ELL2: variants seen among roughly 807,000 people sequenced by gnomAD.
ELL2 encodes elongation factor for RNA polymerase II 2.
In ELL2, 21 loss-of-function variants were observed where a neutral mutation model predicts 72.8. The observed-to-expected ratio is 0.29, with a 90% CI of 0.20 to 0.42. ELL2 has a LOEUF of 0.42. ELL2 is among the 10% of genes least tolerant of loss of function. ELL2 has a pLI of 1.00. For synonymous variants in ELL2, 266 were observed against 283.2 expected, an observed-to-expected ratio of 0.94 and a Z score of 0.61; for missense variants, 568 against 772.8, an observed-to-expected ratio of 0.73 and a Z score of 3.14.
chr5:95,898,893 T>C lies in ELL2; in HGVS notation c.955-83A>G, dbSNP rs1200454937. On this transcript the variant is annotated intron_variant, in intron 7 of 11. Coordinates refer to ENST00000237853, the MANE Select transcript of ELL2 (RefSeq NM_012081.6). ...ATACATGCATGGCTGGTTAAACAAC[T>C]AAGTAACCTTACTTACTATTAATAT... is the stretch of plus-strand genomic sequence containing the variant. 5 of 1,000,714 alleles carry C rather than the reference T, an allele frequency of 5.0e-6. No homozygotes were observed. The East Asian group carries it at 1.3e-4, about 27-fold the overall frequency. 62.0% of individuals were successfully genotyped at this position (1,000,714 alleles called of 1,614,324 possible).
At chr5:95,954,948 A>C (rs1232179316) in intron 1 of ELL2, among the ~76,000 whole-genome samples, 3 of 152,218 alleles carry the variant, frequency 2.0e-5, no homozygotes, top group Non-Finnish European at 2.9e-5. Context: ...TACTCTGTTT[A>C]CAGAATAAAA....
Position 95,886,923 on chromosome 5 carries a change from A to T in ELL2, c.*1948T>A, listed in dbSNP as rs528468705. 123 of 152,328 alleles carry T rather than the reference A, an allele frequency of 8.1e-4. 1 individual carries two copies. The highest frequency in any genetic ancestry group is 2.4e-3 in the African/African-American group (98 of 41,560). 9.4% of individuals were successfully genotyped at this position (152,328 alleles called of 1,614,324 possible). On this transcript the variant is annotated 3_prime_UTR_variant, in exon 12 of 12. Transcript: ENST00000237853. The stretch of plus-strand genomic sequence containing the variant: ...GCACACAGTCTTTGATTAAAAGGCC[A>T]AGATGTCCAAGAAATAACACCAATG...
Position 95,948,948 on chromosome 5 carries a change from C to T in ELL2, c.148-5899G>A, listed in dbSNP as rs569775850. On this transcript the variant is annotated intron_variant, in intron 1 of 11. Coordinates refer to ENST00000237853, the MANE Select transcript of ELL2 (RefSeq NM_012081.6). Reference sequence around the variant, plus strand: ...AGTACTTTCACTGCTCTTAGAAGCTCCTTGAATTTACCCTTTATACCTCTT... The same window carrying T: ...AGTACTTTCACTGCTCTTAGAAGCTTCTTGAATTTACCCTTTATACCTCTT... Among the ~76,000 whole-genome samples, 114 of 152,288 alleles carry T rather than the reference C, an allele frequency of 7.5e-4. 1 individual carries two copies. The highest frequency in any genetic ancestry group is 2.1e-3 in the African/African-American group (89 of 41,558).
intron 1 of ELL2, among the ~76,000 whole-genome samples, chr5:95,943,500 G>A (rs879940986): frequency 1.3e-5 from 2 of 151,960 alleles, no homozygotes; most frequent in Admixed American, 1.3e-4. Flanking sequence ...AAAATGGTTA[G>A]TATACCAATT....
chr5:95,924,071 A>G (rs751576774), intron 2 of ELL2, among the ~76,000 whole-genome samples: 15 of 152,304 alleles, frequency 9.8e-5, no homozygotes, highest in Non-Finnish European at 2.1e-4. Flanking sequence ...AACTATGGCA[A>G]CTTCAGAGCA....
At chr5:95,938,615 G>A (rs1016549413) in intron 2 of ELL2, among the ~76,000 whole-genome samples, 1 of 152,070 alleles carries the variant, frequency 6.6e-6, no homozygotes, top group African/African-American at 2.4e-5. Flanking sequence ...CTAGCTACTT[G>A]GGAGGCTGAG....
At position 95,895,694 on chromosome 5, in the gene ELL2, A is replaced by T. The variant is rs981374951; in HGVS notation, c.1526-3T>A. 1 of 1,613,450 alleles carries T rather than the reference A, an allele frequency of 6.2e-7. No individual in the cohort carries two copies. The highest frequency in any genetic ancestry group is 1.3e-5 in the African/African-American group (1 of 74,890). On this transcript the variant is annotated splice_polypyrimidine_tract_variant and splice_region_variant and intron_variant, in intron 8 of 11. Coordinates refer to ENST00000237853, the MANE Select transcript of ELL2 (RefSeq NM_012081.6). ...GGCAGTGCAATCCTCTTTAACTCCT[A>T]TGAAGAAAAAAAACAAAATCAGAGC...
intron 9 of ELL2, among the ~76,000 whole-genome samples, chr5:95,895,104 TCA>T (rs1748817420): frequency 6.6e-6 from 1 of 152,226 alleles, no homozygotes; most frequent in African/African-American, 2.4e-5. Context: ...CAACTTGTTG[TCA>T]CAACAAGAAA....
At chr5:95,899,257 G>A (rs978249499) in intron 7 of ELL2, among the ~76,000 whole-genome samples, 17 of 152,162 alleles carry the variant, frequency 1.1e-4, no homozygotes, top group African/African-American at 3.4e-4. Flanking sequence ...AATTTGTGCC[G>A]TTTGACTCTG....
chr5:95,955,163 T>C (rs1420058767), intron 1 of ELL2, among the ~76,000 whole-genome samples: 2 of 152,150 alleles, frequency 1.3e-5, no homozygotes, highest in Non-Finnish European at 2.9e-5. Flanking sequence ...TTCTGTCTGC[T>C]AAAATCTTGC....
chr5:95,894,035 G>A (rs1441937742), intron 9 of ELL2, among the ~76,000 whole-genome samples: 1 of 152,194 alleles, frequency 6.6e-6, no homozygotes, highest in Non-Finnish European at 1.5e-5. Context: ...TGGATCACCT[G>A]AGGTCAGGAG....
At chr5:95,917,051 G>T (rs1481594653) in intron 3 of ELL2, among the ~76,000 whole-genome samples, 1 of 152,298 alleles carries the variant, frequency 6.6e-6, no homozygotes, top group East Asian at 1.9e-4. Flanking sequence ...CTTCTCAACC[G>T]AGTTACCCTG....
chr5:95,918,515 A>AT lies in ELL2; in HGVS notation c.317+908dup, dbSNP rs146649155. 6.9e-3 allele frequency among the ~76,000 whole-genome samples: 1,058 copies of AT among 152,294 alleles called. 26 individuals are homozygous for AT. In the East Asian group the frequency reaches 0.073, roughly 11 times the overall value. ...AAAGGTAAAACTCTGTCAGTGTCTTATTTTGTATCTCTGCCTCCTGTACCT... is the reference window on the plus strand; with the variant it reads ...AAAGGTAAAACTCTGTCAGTGTCTTATTTTTGTATCTCTGCCTCCTGTACCT... On this transcript the variant is annotated intron_variant, in intron 3 of 11. Coordinates refer to ENST00000237853, the MANE Select transcript of ELL2 (RefSeq NM_012081.6).
chr5:95,914,579 C>A (rs1313757921), intron 3 of ELL2, among the ~76,000 whole-genome samples: 2 of 152,058 alleles, frequency 1.3e-5, no homozygotes, highest in African/African-American at 4.8e-5. Flanking sequence ...AAAGGCCAGG[C>A]ACGGTGGCTC....
Position 95,961,559 on chromosome 5 carries a change from C to G in ELL2, c.147+16G>C. 6.4e-7 allele frequency: 1 copy of G among 1,568,126 alleles called. No individual in the cohort carries two copies. Among genetic ancestry groups the G allele is most frequent in the Non-Finnish European group, 8.6e-7 (1 of 1,159,372 alleles). ...CTCTGCCTCTCTGAGCCCAGCCTGC[C>G]GGCCGGCCCGCTCACCTTGTGGCTC... On this transcript the variant is annotated intron_variant, in intron 1 of 11. Transcript: ENST00000237853.
chr5:95,903,518 G>A (rs13166162), intron 5 of ELL2, among the ~76,000 whole-genome samples: 4,366 of 152,010 alleles, frequency 0.029, 98 homozygotes, highest in Non-Finnish European at 0.043. Flanking sequence ...GGTGAGCCAC[G>A]GCGCCTGGCC....
chr5:95,954,497 C>T (rs1336338604), intron 1 of ELL2, among the ~76,000 whole-genome samples: 2 of 150,350 alleles, frequency 1.3e-5, no homozygotes, highest in African/African-American at 2.4e-5. Context: ...AGCTCTGCCT[C>T]CCGGGTTCAC....
Position 95,961,694 on chromosome 5 carries a change from G to A in ELL2, c.28C>T (p.Arg10Trp), listed in dbSNP as rs983948629. The A allele has an allele frequency of 8.7e-6, 14 of 1,602,394 alleles. No homozygotes were observed. In the African/African-American group the frequency reaches 1.4e-4, roughly 16 times the overall value. Residue 10 changes from arginine (R) to tryptophan (W), a missense_variant, in exon 1 of 12, where the codon CGG becomes TGG. This residue lies in a region of ELL2 where 57 missense variants were observed against 44.4 expected (regional missense o/e 1.28). Transcript: ENST00000237853. ...GACAGCCCATAGCGCTGCTCCTCCC[G>A]CAGGCCCCCTGTCCCCCCCGCCGCC... The part of the protein sequence containing the change: MAAGGTGGL[R>W]EEQRYGLSCG...
In ELL2 at chr5:95,961,583, T is replaced by A. The variant is rs1187334382; in HGVS notation, c.139A>T (p.Ser47Cys). Residue 47 changes from serine to cysteine, a missense_variant, in exon 1 of 12, where the codon AGC (serine) becomes TGC (cysteine). Coordinates refer to ENST00000237853, the MANE Select transcript of ELL2 (RefSeq NM_012081.6). Reference protein sequence around the residue: ...TAIRALETYQSHKNLIPFRPS... With the variant: ...TAIRALETYQCHKNLIPFRPS... The stretch of plus-strand genomic sequence containing the variant: ...CCGGCCGGCCCGCTCACCTTGTGGC[T>A]CTGGTAAGTCTCGAGCGCCCGGATC... The A allele has an allele frequency of 6.3e-7, 1 of 1,596,094 alleles. No homozygotes were observed. The highest frequency in any genetic ancestry group is 8.5e-7 in the Non-Finnish European group (1 of 1,172,992).
Sources: allele counts gnomAD v4.1 joint callset (sites outside exome capture counted in the v4.1 genomes callset), GRCh38; gene constraint gnomAD v4.1.1; regional missense constraint gnomAD v4.1.1; transcripts MANE v1.5; gene names NCBI Gene and HGNC (gene_info 2026-07-23, HGNC 2026-07-21).